Variants in DYNC1LI2 observed in about 807,000 individuals in gnomAD.
DYNC1LI2 encodes cytoplasmic dynein 1 light intermediate chain 2.
DYNC1LI2 carries 19 observed loss-of-function variants against 57.8 expected under a neutral mutation model. That is an observed-to-expected ratio of 0.33 (90% CI 0.23 to 0.48). The LOEUF (loss-of-function observed/expected upper bound fraction) is 0.48. DYNC1LI2 is among the 20% of genes least tolerant of loss of function. The pLI is 0.99. For synonymous variants in DYNC1LI2, 256 were observed against 233.4 expected (o/e 1.10, Z -0.88); for missense variants, 470 against 604.2 (o/e 0.78, Z 2.33).
At chr16:66,733,252 T>C (rs1434750627) in intron 6 of DYNC1LI2, 1 of 152,224 alleles carries the variant, frequency 6.6e-6, no homozygotes. Flanking sequence ...TAGGAAAGCT[T>C]ATCAAATGTA....
Position 66,721,243 on chromosome 16 carries a change from A to T in DYNC1LI2, c.*2479T>A, listed in dbSNP as rs564249643. On this transcript the variant is annotated 3_prime_UTR_variant, in exon 13 of 13. Coordinates refer to ENST00000258198, the MANE Select transcript of DYNC1LI2 (RefSeq NM_006141.3). ...AAAAAAAAGTGCAAACAAAATAACAATCTAGCAGCATTATCTGTTGCATTT... is the reference window on the plus strand; with the variant it reads ...AAAAAAAAGTGCAAACAAAATAACATTCTAGCAGCATTATCTGTTGCATTT... The T allele has an allele frequency of 6.5e-6, 1 of 152,676 alleles. No individual in the cohort carries two copies. Among genetic ancestry groups the T allele is most frequent in the South Asian group, 2.1e-4 (1 of 4,828 alleles). 9.5% of individuals were successfully genotyped at this position (152,676 alleles called of 1,614,324 possible). A position where few individuals can be genotyped will look rare whatever the true frequency, so the allele number is the denominator to read the frequency against.
intron 3 of DYNC1LI2, among the ~76,000 whole-genome samples, chr16:66,747,583 T>C (rs1815801215): frequency 6.6e-6 from 1 of 152,050 alleles, no homozygotes; most frequent in Admixed American, 6.5e-5. Flanking sequence ...TTTTTTTTTT[T>C]TTTTAAGAAG....
intron 3 of DYNC1LI2, among the ~76,000 whole-genome samples, chr16:66,743,103 G>A (rs546819572): frequency 2.6e-5 from 4 of 151,994 alleles, no homozygotes; most frequent in African/African-American, 4.8e-5. Flanking sequence ...TAGAGGTTGC[G>A]ATGAGCTGAG....
At chr16:66,725,374 G>T (rs559004881) in intron 12 of DYNC1LI2, among the ~76,000 whole-genome samples, 5 of 152,018 alleles carry the variant, frequency 3.3e-5, no homozygotes, top group African/African-American at 9.7e-5. Context: ...CCAGCTACTC[G>T]GGAGGCTGAG....
chr16:66,730,500 A>G (rs1596988091), intron 7 of DYNC1LI2: 1 of 293,346 alleles, frequency 3.4e-6, no homozygotes, highest in East Asian at 7.2e-5. Flanking sequence ...AAAAGCATTT[A>G]GCACTCTCCC....
chr16:66,723,584 GTTT>G lies in DYNC1LI2; in HGVS notation c.*135_*137del. The G allele has an allele frequency of 2.6e-5, 15 of 584,034 alleles. No individual in the cohort carries two copies. Among genetic ancestry groups the G allele is most frequent in the Admixed American group, 6.5e-5 (2 of 30,886 alleles). 36.2% of individuals were successfully genotyped at this position (584,034 alleles called of 1,614,324 possible). The stretch of plus-strand genomic sequence containing the variant: ...TTTCACACTCGGACAAGCCAATGAA[GTTT>G]TTTTTTTTTTTTTAAAGTTCATCTC... On this transcript the variant is annotated 3_prime_UTR_variant, in exon 13 of 13. Transcript: ENST00000258198.
rs763806362 is a variant in DYNC1LI2 at position 66,751,520 on chromosome 16, G to T, written c.72C>A (p.Asp24Glu). ...PNGPAVAAAGDLTSEEEEGQS... is the reference protein window; with the variant it reads ...PNGPAVAAAGELTSEEEEGQS... ...GGCCTTCCTCCTCCTCACTGGTCAGGTCGCCGGCGGCCGCCACCGCGGGCC... is the reference window on the plus strand; with the variant it reads ...GGCCTTCCTCCTCCTCACTGGTCAGTTCGCCGGCGGCCGCCACCGCGGGCC... Residue 24 changes from aspartate to glutamate, a missense_variant, in exon 1 of 13, where the codon GAC (aspartate) becomes GAA (glutamate). Coordinates refer to ENST00000258198, the MANE Select transcript of DYNC1LI2 (RefSeq NM_006141.3). This position sits in a 1 kb window ranked among gnomAD's most constrained non-coding sequence, Gnocchi z 5.2. The T allele has an allele frequency of 2.5e-6, 4 of 1,588,606 alleles. No individual in the cohort carries two copies. The South Asian group carries it at 4.5e-5, about 18-fold the overall frequency.
At position 66,736,303 on chromosome 16, in the gene DYNC1LI2, T is replaced by C. The variant is rs2017733572; in HGVS notation, c.530-59A>G. The C allele has an allele frequency of 1.9e-6, 3 of 1,577,556 alleles. No homozygotes were observed. The African/African-American group carries it at 4.1e-5, about 21-fold the overall frequency. On this transcript the variant is annotated intron_variant, in intron 4 of 12. Coordinates refer to ENST00000258198, the MANE Select transcript of DYNC1LI2 (RefSeq NM_006141.3). ...CATAAATAAAAATACATGTTAGCTT[T>C]AGAACACTGAAAAGAAGGCAATAAT...
intron 4 of DYNC1LI2, among the ~76,000 whole-genome samples, chr16:66,738,063 C>A (rs1278667342): frequency 6.6e-6 from 1 of 152,208 alleles, no homozygotes; most frequent in Non-Finnish European, 1.5e-5. Context: ...TCTTCACCCA[C>A]AGAACACGTT....
chr16:66,750,656 C>T (rs1477703115), intron 2 of DYNC1LI2, among the ~76,000 whole-genome samples: 1 of 152,176 alleles, frequency 6.6e-6, no homozygotes, highest in African/African-American at 2.4e-5. Context: ...TTAAGAGTCG[C>T]CTATGCTGAG....
intron 9 of DYNC1LI2, among the ~76,000 whole-genome samples, chr16:66,728,805 C>T (rs1040358761): frequency 3.4e-4 from 51 of 152,186 alleles, no homozygotes; most frequent in African/African-American, 1.1e-3. Flanking sequence ...TTAAAAGATG[C>T]GAATCCTACT....
chr16:66,728,696 G>A (rs2017579618), intron 9 of DYNC1LI2, among the ~76,000 whole-genome samples: 1 of 152,196 alleles, frequency 6.6e-6, no homozygotes, highest in African/African-American at 2.4e-5. Flanking sequence ...AGGGCTGTGT[G>A]AGGCTACATG....
chr16:66,744,763 T>C (rs1344742129), intron 3 of DYNC1LI2, among the ~76,000 whole-genome samples: 1 of 152,124 alleles, frequency 6.6e-6, no homozygotes, highest in Non-Finnish European at 1.5e-5. Context: ...TTTCACCACG[T>C]TGGCCAGGCT....
intron 7 of DYNC1LI2, 129 bp downstream of exon 7, chr16:66,732,210 A>C: frequency 4.3e-6 from 5 of 1,168,662 alleles, no homozygotes; most frequent in Non-Finnish European, 5.9e-6. Context: ...AGGAACAGAG[A>C]GAAGGTGCAG....
At chr16:66,741,365 A>T (rs1268325881) in intron 4 of DYNC1LI2, among the ~76,000 whole-genome samples, 2 of 152,218 alleles carry the variant, frequency 1.3e-5, no homozygotes, top group East Asian at 3.8e-4. Context: ...ACATGAGCTG[A>T]GCTGCATAAC....
At chr16:66,726,135 T>C (rs527254718) in intron 11 of DYNC1LI2, among the ~76,000 whole-genome samples, 191 bp from the exon 12 acceptor site, 2 of 152,216 alleles carry the variant, frequency 1.3e-5, no homozygotes, top group African/African-American at 2.4e-5. Context: ...AGTGGAACCA[T>C]GTTTACATTT....
intron 3 of DYNC1LI2, among the ~76,000 whole-genome samples, chr16:66,748,130 T>C (rs1435656597): frequency 6.6e-6 from 1 of 151,726 alleles, no homozygotes; most frequent in East Asian, 1.9e-4. Context: ...GTACAAAAAT[T>C]AGCCAGGTGT....
intron 4 of DYNC1LI2, among the ~76,000 whole-genome samples, chr16:66,738,068 C>G (rs1021171506): frequency 6.6e-6 from 1 of 152,202 alleles, no homozygotes; most frequent in African/African-American, 2.4e-5. Flanking sequence ...ACCCACAGAA[C>G]ACGTTTCAAA....
chr16:66,732,614 T>A, intron 6 of DYNC1LI2, 140 bp from the exon 7 acceptor site: 2 of 859,780 alleles, frequency 2.3e-6, no homozygotes, highest in Non-Finnish European at 3.3e-6. Context: ...TTTTAAAAAC[T>A]AAAACGCTTA....
Sources: gnomAD v4.1 joint callset for allele counts (sites outside exome capture counted in the v4.1 genomes callset) on GRCh38, gnomAD v4.1.1 for gene constraint, Gnocchi (gnomAD v3.1) non-coding constraint, MANE v1.5 for transcripts, NCBI Gene and HGNC (gene_info 2026-07-23, HGNC 2026-07-21) for gene names.